Variants in DGKB observed in about 807,000 individuals in gnomAD.
DGKB encodes diacylglycerol kinase beta, also known as 90 kDa diacylglycerol kinase.
A neutral mutation model predicts 114.3 loss-of-function variants in DGKB; 67 were observed. The ratio of observed to expected loss-of-function variants is 0.59; its 90% CI spans 0.48 to 0.72. The LOEUF is 0.72. DGKB is among the 30% of genes least tolerant of loss of function. The pLI is 0.00. For missense variants in DGKB, 907 were observed against 975.2 expected (o/e 0.93, Z 0.93); for synonymous variants, 398 against 323.1 (o/e 1.23, Z -2.49).
intron 21 of DGKB, among the ~76,000 whole-genome samples, chr7:14,455,299 C>A (rs151303029): frequency 1.3e-5 from 2 of 151,968 alleles, no homozygotes; most frequent in African/African-American, 4.8e-5. Flanking sequence ...GAATCATGAA[C>A]ATTTGTTAAA....
At chr7:14,970,241 C>G (rs10231556) in intron 1 of DGKB, among the ~76,000 whole-genome samples, 70,164 of 151,744 alleles carry the variant, frequency 0.46, 19,178 homozygotes, top group African/African-American at 0.75. Context: ...TGAACTATCA[C>G]CATCACATGC....
chr7:14,536,847 AC>A (rs79219471), intron 20 of DGKB, among the ~76,000 whole-genome samples: 21,383 of 151,952 alleles, frequency 0.14, 2,505 homozygotes, highest in East Asian at 0.52. Flanking sequence ...AAGGAAAAAA[AC>A]AACAACAAGG....
At chr7:14,847,531 G>A (rs188520033) in intron 1 of DGKB, among the ~76,000 whole-genome samples, 2 of 152,328 alleles carry the variant, frequency 1.3e-5, no homozygotes, top group African/African-American at 4.8e-5. Context: ...CTAAATTTGA[G>A]ACCCAATGAA....
intron 25 of DGKB, among the ~76,000 whole-genome samples, chr7:14,164,996 T>C (rs989936775): frequency 4.6e-5 from 7 of 152,064 alleles, no homozygotes; most frequent in African/African-American, 7.2e-5. Flanking sequence ...TAAATAACTC[T>C]CCAAAGTCCA....
intron 21 of DGKB, among the ~76,000 whole-genome samples, chr7:14,415,647 C>T (rs1825608382): frequency 6.6e-6 from 1 of 152,088 alleles, no homozygotes; most frequent in African/African-American, 2.4e-5. Flanking sequence ...ATATGTGCCA[C>T]ATTTTCTTAA....
chr7:14,747,847 G>A (rs1435314184), intron 4 of DGKB, among the ~76,000 whole-genome samples: 1 of 151,496 alleles, frequency 6.6e-6, no homozygotes, highest in Admixed American at 6.6e-5. Context: ...TTTCCTTAAG[G>A]AACAGCCACA....
At chr7:14,654,802 G>T (rs189577995) in intron 13 of DGKB, among the ~76,000 whole-genome samples, 13 of 151,986 alleles carry the variant, frequency 8.6e-5, no homozygotes, top group Admixed American at 5.3e-4. Flanking sequence ...ATAATAAATG[G>T]TGTTGAGAAA....
intron 1 of DGKB, among the ~76,000 whole-genome samples, chr7:14,926,833 T>C (rs940552894): frequency 6.6e-6 from 1 of 152,050 alleles, no homozygotes; most frequent in African/African-American, 2.4e-5. Flanking sequence ...TTCAGCAATC[T>C]GCTCATTTTC....
intron 21 of DGKB, among the ~76,000 whole-genome samples, chr7:14,359,285 A>G (rs578205514): frequency 6.6e-6 from 1 of 152,162 alleles, no homozygotes; most frequent in Non-Finnish European, 1.5e-5. Flanking sequence ...CGGAAACTGG[A>G]TCCCTTCCTT....
At chr7:14,474,423 T>C (rs1781863896) in intron 21 of DGKB, among the ~76,000 whole-genome samples, 1 of 152,230 alleles carries the variant, frequency 6.6e-6, no homozygotes, top group South Asian at 2.1e-4. Flanking sequence ...CAGTCTCAGA[T>C]ATGTCTTTAT....
At chr7:14,289,065 T>C (rs1228655291) in intron 23 of DGKB, among the ~76,000 whole-genome samples, 2 of 152,210 alleles carry the variant, frequency 1.3e-5, no homozygotes, top group African/African-American at 4.8e-5. Context: ...AGAACAGATT[T>C]CTCCTAATTT....
intron 23 of DGKB, among the ~76,000 whole-genome samples, chr7:14,255,594 C>A (rs550519176): frequency 6.6e-6 from 1 of 152,212 alleles, no homozygotes; most frequent in South Asian, 2.1e-4. Context: ...TAAAATAATG[C>A]CCTTGCTAAA....
intron 23 of DGKB, among the ~76,000 whole-genome samples, chr7:14,260,673 T>A (rs1316388922): frequency 1.3e-5 from 2 of 152,196 alleles, no homozygotes; most frequent in Non-Finnish European, 2.9e-5. Context: ...CTCAGCTTAT[T>A]AAAGTTCAGG....
At chr7:14,329,898 A>C (rs1809417855) in intron 23 of DGKB, among the ~76,000 whole-genome samples, 1 of 151,978 alleles carries the variant, frequency 6.6e-6, no homozygotes, top group Admixed American at 6.6e-5. Flanking sequence ...TGGGTACGTT[A>C]AATTGACTTA....
intron 2 of DGKB, among the ~76,000 whole-genome samples, chr7:14,772,200 C>T (rs1333835655): frequency 2.0e-5 from 3 of 152,136 alleles, no homozygotes; most frequent in Non-Finnish European, 4.4e-5. Context: ...CTCCTGAGGG[C>T]TGTGTCAAGG....
intron 2 of DGKB, among the ~76,000 whole-genome samples, chr7:14,810,875 G>C (rs2358069): frequency 0.35 from 52,819 of 151,982 alleles, 11,666 homozygotes; most frequent in African/African-American, 0.62. Flanking sequence ...TCCCAAAGTG[G>C]TGGGATTACA....
intron 21 of DGKB, among the ~76,000 whole-genome samples, chr7:14,401,218 CAT>C (rs1823043882): frequency 6.6e-6 from 1 of 151,882 alleles, no homozygotes; most frequent in Admixed American, 6.6e-5. Context: ...GCCAAATTGC[CAT>C]AGTCTTATCT....
intron 21 of DGKB, among the ~76,000 whole-genome samples, chr7:14,370,218 C>G (rs142087980): frequency 0.017 from 2,530 of 152,158 alleles, 50 homozygotes; most frequent in South Asian, 0.094. Flanking sequence ...TTTCCCCATT[C>G]CTTGTTTTTG....
At chr7:14,525,395 TA>T (rs1297641307) in intron 20 of DGKB, among the ~76,000 whole-genome samples, 1 of 152,172 alleles carries the variant, frequency 6.6e-6, no homozygotes, top group East Asian at 1.9e-4. Context: ...TAGTTTGAGT[TA>T]GACTTTTCTG....
Sources: allele counts gnomAD v4.1 joint callset (sites outside exome capture counted in the v4.1 genomes callset), GRCh38; gene constraint gnomAD v4.1.1; transcripts MANE v1.5; gene names NCBI Gene and HGNC (gene_info 2026-07-23, HGNC 2026-07-21).